Variants in ENAH observed in about 807,000 individuals in gnomAD.
ENAH encodes the protein ENAH actin regulator.
A neutral mutation model predicts 78.7 loss-of-function variants in ENAH; 23 were observed. That is an observed-to-expected ratio of 0.29 (90% confidence interval 0.21 to 0.41). The LOEUF is 0.41. ENAH is among the 10% of genes least tolerant of loss of function. The pLI is 1.00. For synonymous variants in ENAH, 226 were observed against 241.0 expected, an observed-to-expected ratio of 0.94 and a Z score of 0.58; for missense variants, 544 against 691.0, an observed-to-expected ratio of 0.79 and a Z score of 2.39.
rs113339152 is a variant in ENAH at position 225,651,772 on chromosome 1, C to G, written c.5+914G>C. Among the ~76,000 whole-genome samples the G allele has an allele frequency of 5.8e-3, 877 of 152,164 alleles. 8 individuals carry two copies. The highest frequency in any genetic ancestry group is 0.02 in the African/African-American group (843 of 41,524). ...AAAAGAGAAGGTTATGGACACAGAA[C>G]AGGTTTAGGAAAGGCTGGAAAAAAA... On this transcript the variant is annotated intron_variant, in intron 1 of 13. Transcript: ENST00000366843.
At chr1:225,574,546 G>A (rs993730635) in intron 1 of ENAH, among the ~76,000 whole-genome samples, 2 of 151,784 alleles carry the variant, frequency 1.3e-5, no homozygotes, top group Non-Finnish European at 2.9e-5. Context: ...AGGTTGCCGT[G>A]AGCCAACAGT....
chr1:225,594,750 TAGTAG>T (rs2147931322), intron 1 of ENAH, among the ~76,000 whole-genome samples: 1 of 152,360 alleles, frequency 6.6e-6, no homozygotes, highest in South Asian at 2.1e-4. Flanking sequence ...AAACTTTCTT[TAGTAG>T]AGATCACTTT....
At chr1:225,523,932 T>A (rs1001115270) in intron 4 of ENAH, among the ~76,000 whole-genome samples, 1 of 152,212 alleles carries the variant, frequency 6.6e-6, no homozygotes, top group African/African-American at 2.4e-5. Context: ...GAGGACTTTT[T>A]TCAAAGAAAG....
intron 1 of ENAH, among the ~76,000 whole-genome samples, chr1:225,602,001 T>G (rs1649767872): frequency 6.6e-6 from 1 of 152,038 alleles, no homozygotes; most frequent in Admixed American, 6.5e-5. Context: ...AATGAAAATC[T>G]AGTCCAAATG....
intron 1 of ENAH, chr1:225,580,365 T>C (rs1257185267): frequency 6.6e-6 from 1 of 151,904 alleles, no homozygotes; most frequent in Non-Finnish European, 1.5e-5. Flanking sequence ...AATCCATTAA[T>C]GTGAATGAGC....
chr1:225,545,910 CTTTTTTT>C lies in ENAH; in HGVS notation c.349+8989_349+8995del, dbSNP rs56105983. Among the ~76,000 whole-genome samples the C allele has an allele frequency of 8.2e-5, 9 of 109,416 alleles. No individual in the cohort carries two copies. In the South Asian group the frequency reaches 1.9e-3, roughly 23 times the overall value. The allele number at this position is 109,416 out of a possible 152,430, so 71.8% of individuals were successfully genotyped here. On this transcript the variant is annotated intron_variant, in intron 3 of 13. Coordinates refer to ENST00000366843, the MANE Select transcript of ENAH (RefSeq NM_018212.6). ...CTCTAATGATTAGGACATCTGTAAA[CTTTTTTT>C]TTTTTTTTTTTTTTTTTTTTAAAGA...
intron 4 of ENAH, among the ~76,000 whole-genome samples, chr1:225,520,731 C>G (rs2096460189): frequency 6.6e-6 from 1 of 152,070 alleles, no homozygotes. Flanking sequence ...TGCCATGCAC[C>G]TGTATTCCCA....
At chr1:225,538,038 G>T (rs1224865556) in intron 3 of ENAH, among the ~76,000 whole-genome samples, 1 of 152,078 alleles carries the variant, frequency 6.6e-6, no homozygotes, top group African/African-American at 2.4e-5. Context: ...TCTCAGCATT[G>T]TTTCTTACGA....
At chr1:225,539,219 C>T (rs1169430321) in intron 3 of ENAH, among the ~76,000 whole-genome samples, 1 of 152,164 alleles carries the variant, frequency 6.6e-6, no homozygotes, top group East Asian at 1.9e-4. Context: ...TCTCTCCAAA[C>T]TCTCTCCATT....
chr1:225,623,624 C>T (rs1454531949), intron 1 of ENAH, among the ~76,000 whole-genome samples: 2 of 147,978 alleles, frequency 1.4e-5, no homozygotes, highest in African/African-American at 2.5e-5. Context: ...CTTGCTCTGT[C>T]GCCCAGGCTG....
intron 1 of ENAH, among the ~76,000 whole-genome samples, chr1:225,634,675 T>C (rs1659746725): frequency 6.6e-6 from 1 of 152,224 alleles, no homozygotes; most frequent in Non-Finnish European, 1.5e-5. Flanking sequence ...AGATTATCCC[T>C]TCTCTCAGGA....
Position 225,488,370 on chromosome 1 carries a change from T to A in ENAH, c.*9405A>T, listed in dbSNP as rs771824066. ...AGGCTGAGCAACAGAAAGCTTCCAA[T>A]GAGAACTCAGAAGGCATTCACTCTG... is the stretch of plus-strand genomic sequence containing the variant. On this transcript the variant is annotated 3_prime_UTR_variant, in exon 14 of 14. Transcript: ENST00000366843. 1 of 152,102 alleles carries A rather than the reference T, an allele frequency of 6.6e-6. No homozygotes were observed. The highest frequency in any genetic ancestry group is 1.5e-5 in the Non-Finnish European group (1 of 68,054). The allele number at this position is 152,102 out of a possible 1,614,324, so 9.4% of individuals were successfully genotyped here.
intron 3 of ENAH, among the ~76,000 whole-genome samples, chr1:225,540,830 TAACTAA>T (rs1222547374): frequency 6.6e-6 from 1 of 152,148 alleles, no homozygotes; most frequent in Non-Finnish European, 1.5e-5. Flanking sequence ...TAAGAGCCAG[TAACTAA>T]AACTAAGAAA....
intron 2 of ENAH, among the ~76,000 whole-genome samples, chr1:225,557,671 C>T (rs1449308178): frequency 2.0e-5 from 3 of 151,958 alleles, no homozygotes; most frequent in Non-Finnish European, 4.4e-5. Flanking sequence ...AAATACAAAA[C>T]TTAGCCAGGC....
intron 11 of ENAH, among the ~76,000 whole-genome samples, chr1:225,505,590 A>G (rs1424045953): frequency 2.6e-5 from 4 of 151,372 alleles, no homozygotes; most frequent in Non-Finnish European, 4.4e-5. Flanking sequence ...TTCCAAAGAG[A>G]AATGGGGACC....
intron 1 of ENAH, among the ~76,000 whole-genome samples, chr1:225,602,339 T>C (rs577284742): frequency 6.6e-6 from 1 of 152,200 alleles, no homozygotes; most frequent in South Asian, 2.1e-4. Flanking sequence ...ACAAGTTGTT[T>C]CAGAAAGTTA....
intron 1 of ENAH, among the ~76,000 whole-genome samples, chr1:225,604,351 A>G (rs1234126327): frequency 6.6e-6 from 1 of 152,206 alleles, no homozygotes; most frequent in Non-Finnish European, 1.5e-5. Context: ...ACAGGCAGGC[A>G]GAGCTAAAGG....
chr1:225,517,796 T>C (rs773230131), intron 5 of ENAH: 1 of 1,551,200 alleles, frequency 6.4e-7, no homozygotes, highest in Non-Finnish European at 8.7e-7. Flanking sequence ...GCAAAACGTG[T>C]CGCTGAGTGT....
chr1:225,532,558 TCA>T (rs913080871), intron 3 of ENAH, among the ~76,000 whole-genome samples: 3 of 152,068 alleles, frequency 2.0e-5, no homozygotes, highest in African/African-American at 4.8e-5. Flanking sequence ...AATTAAAATC[TCA>T]GTTTTAATTC....
Sources: allele counts gnomAD v4.1 joint callset (sites outside exome capture counted in the v4.1 genomes callset), GRCh38; gene constraint gnomAD v4.1.1; transcripts MANE v1.5; gene names NCBI Gene and HGNC (gene_info 2026-07-23, HGNC 2026-07-21).